USP22: variants seen among roughly 807,000 people sequenced by gnomAD.
USP22 encodes the protein ubiquitin specific peptidase 22.
Under a neutral mutation model 68.1 loss-of-function variants are expected in USP22, and 22 were observed. The ratio of observed to expected loss-of-function variants is 0.32; its 90% confidence interval spans 0.23 to 0.46. USP22 has a LOEUF of 0.46. USP22 is among the 20% of genes least tolerant of loss of function. The pLI is 1.00. For missense variants in USP22, 433 were observed against 695.8 expected, an observed-to-expected ratio of 0.62 and a Z score of 4.25; for synonymous variants, 279 against 274.2, an observed-to-expected ratio of 1.02 and a Z score of -0.17.
At chr17:21,024,300 CA>C (rs1320683867) in intron 2 of USP22, among the ~76,000 whole-genome samples, 4 of 152,164 alleles carry the variant, frequency 2.6e-5, no homozygotes, top group African/African-American at 9.7e-5. Context: ...TAGCTGACAA[CA>C]AAAACTCTAG....
At chr17:21,017,908 G>T in intron 5 of USP22, 34 bp downstream of exon 5, 1 of 1,604,954 alleles carries the variant, frequency 6.2e-7, no homozygotes, top group Non-Finnish European at 8.5e-7. Context: ...CAAAGTAACA[G>T]AAATGTTCCC....
Position 21,042,798 on chromosome 17 carries a change from T to A in USP22, c.38A>T (p.Asp13Val). The A allele has an allele frequency of 6.8e-7, 1 of 1,474,718 alleles. No homozygotes were observed. The highest frequency in any genetic ancestry group is 9.0e-7 in the Non-Finnish European group (1 of 1,113,170). 91.4% of individuals were successfully genotyped at this position (1,474,718 alleles called of 1,614,324 possible). Reference protein sequence around the residue: ...SRPEPEGEAMDAELAVAPPGC... With the variant: ...SRPEPEGEAMVAELAVAPPGC... Reference sequence around the variant, plus strand: ...CGGCGGCGCTACCGCCAGCTCGGCGTCCATGGCCTCGCCCTCGGGCTCTGG... The same window carrying A: ...CGGCGGCGCTACCGCCAGCTCGGCGACCATGGCCTCGCCCTCGGGCTCTGG... Residue 13 changes from aspartate to valine, a missense_variant, in exon 1 of 13, where the codon GAC (aspartate) becomes GTC (valine). Around this residue, in one of 4 missense-constraint regions of USP22, gnomAD observed 110 missense variants for 89.9 expected, o/e 1.22. Coordinates refer to ENST00000261497, the MANE Select transcript of USP22 (RefSeq NM_015276.2).
At chr17:21,011,829 G>A (rs1238128564) in intron 7 of USP22, among the ~76,000 whole-genome samples, 1 of 152,158 alleles carries the variant, frequency 6.6e-6, no homozygotes. Flanking sequence ...CTTGCAGACT[G>A]GGAAATTTAC....
rs755005327 is a variant in USP22, at chr17:21,008,012, A to C, written c.1104-16T>G. On this transcript the variant is annotated splice_polypyrimidine_tract_variant and intron_variant, in intron 8 of 12. Coordinates refer to ENST00000261497, the MANE Select transcript of USP22 (RefSeq NM_015276.2). Reference sequence around the variant, plus strand: ...TCTGGTGAATCTACAGGCGTTCAAAAAAGACAGGAGCGGTAAGGGAGATGC... The same window carrying C: ...TCTGGTGAATCTACAGGCGTTCAAACAAGACAGGAGCGGTAAGGGAGATGC... The C allele has an allele frequency of 6.2e-7, 1 of 1,613,230 alleles. No individual in the cohort carries two copies. Among genetic ancestry groups the C allele is most frequent in the Non-Finnish European group, 8.5e-7 (1 of 1,179,596 alleles).
At chr17:21,027,197 AG>A (rs1303566831) in intron 2 of USP22, among the ~76,000 whole-genome samples, 4 of 148,238 alleles carry the variant, frequency 2.7e-5, no homozygotes, top group African/African-American at 1.0e-4. Flanking sequence ...CTGAGGCAGA[AG>A]GATCTCCTGA....
intron 1 of USP22, among the ~76,000 whole-genome samples, chr17:21,041,362 C>T (rs913136824): frequency 1.3e-5 from 2 of 152,016 alleles, no homozygotes; most frequent in Non-Finnish European, 2.9e-5. Flanking sequence ...CTTTGGGAGG[C>T]AGAGGCGGGT....
At chr17:21,040,701 G>T (rs543086634) in intron 1 of USP22, among the ~76,000 whole-genome samples, 1 of 152,144 alleles carries the variant, frequency 6.6e-6, no homozygotes, top group African/African-American at 2.4e-5. Flanking sequence ...AATACCAGAG[G>T]GGGGAAGAAA....
intron 3 of USP22, among the ~76,000 whole-genome samples, chr17:21,020,244 C>CAAAAAAAAA (rs3047597): frequency 3.4e-4 from 25 of 73,286 alleles, no homozygotes; most frequent in East Asian, 1.3e-3. Context: ...AATCAAAAAC[C>CAAAAAAAAA]AAAAAAAAAA....
chr17:21,002,670 G>A lies in USP22; in HGVS notation c.*361C>T. The A allele has an allele frequency of 3.2e-6, 1 of 309,342 alleles. No individual in the cohort carries two copies. Among genetic ancestry groups the A allele is most frequent in the Non-Finnish European group, 6.3e-6 (1 of 157,514 alleles). The allele number at this position is 309,342 out of a possible 1,614,324, so 19.2% of individuals were successfully genotyped here. Reference sequence around the variant, plus strand: ...ACCCATAATCTTACAGCAGGTAGGGGCCTTTCCACACCGAGTGCTGGGGAA... The same window carrying A: ...ACCCATAATCTTACAGCAGGTAGGGACCTTTCCACACCGAGTGCTGGGGAA... On this transcript the variant is annotated 3_prime_UTR_variant, in exon 13 of 13. Transcript: ENST00000261497.
Position 21,015,910 on chromosome 17 carries a change from G to C in USP22, c.691-11C>G. The C allele has an allele frequency of 6.2e-7, 1 of 1,613,348 alleles. No homozygotes were observed. Among genetic ancestry groups the C allele is most frequent in the Non-Finnish European group, 8.5e-7 (1 of 1,179,722 alleles). On this transcript the variant is annotated splice_polypyrimidine_tract_variant and intron_variant, in intron 5 of 12. Coordinates refer to ENST00000261497, the MANE Select transcript of USP22 (RefSeq NM_015276.2). ...GTGTCCAGAGTAAAACTGCCAGAGGGCGGGGAAGGAAACCTTGTCAGGAAT... is the reference window on the plus strand; with the variant it reads ...GTGTCCAGAGTAAAACTGCCAGAGGCCGGGGAAGGAAACCTTGTCAGGAAT...
rs548886411 is a variant in USP22, at chr17:21,023,167, G to A, written c.305-1941C>T. On this transcript the variant is annotated intron_variant, in intron 2 of 12. Transcript: ENST00000261497. ...ACAAGAGGAGAACAACAGACACTGC[G>A]GCCTACTTGAGGGTGGAGAGTGGGA... is the stretch of plus-strand genomic sequence containing the variant. Among the ~76,000 whole-genome samples the A allele has an allele frequency of 5.3e-5, 8 of 152,154 alleles. No individual in the cohort carries two copies. In the East Asian group the frequency reaches 9.7e-4, roughly 18 times the overall value.
chr17:21,020,244 C>CAAAAAAAAAAAAAACAAA (rs1972136597), intron 3 of USP22, among the ~76,000 whole-genome samples: 1 of 73,252 alleles, frequency 1.4e-5, no homozygotes, highest in Non-Finnish European at 2.5e-5. Context: ...AATCAAAAAC[C>CAAAAAAAAAAAAAACAAA]AAAAAAAAAA....
At position 21,000,347 on chromosome 17, in the gene USP22, A is replaced by T. The variant is rs1261256408; in HGVS notation, c.*2684T>A. 6.6e-6 allele frequency: 1 copy of T among 152,352 alleles called. No individual in the cohort carries two copies. Among genetic ancestry groups the T allele is most frequent in the Non-Finnish European group, 1.5e-5 (1 of 68,116 alleles). The allele number at this position is 152,352 out of a possible 1,614,324, so 9.4% of individuals were successfully genotyped here. On this transcript the variant is annotated 3_prime_UTR_variant, in exon 13 of 13. Transcript: ENST00000261497. ...AAACACAAGACCTAATGCAAGGGGCAGTGCCAGGGCCGCCGCCGCCTCCTG... is the reference window on the plus strand; with the variant it reads ...AAACACAAGACCTAATGCAAGGGGCTGTGCCAGGGCCGCCGCCGCCTCCTG...
chr17:21,004,015 G>A (rs1567788983), intron 12 of USP22, among the ~76,000 whole-genome samples, 187 bp downstream of exon 12: 1 of 152,148 alleles, frequency 6.6e-6, no homozygotes. Context: ...CTTTGCTCAG[G>A]CACCTCTTCT....
Position 21,012,911 on chromosome 17 carries a change from T to C in USP22, c.863A>G (p.Asn288Ser), listed in dbSNP as rs768040106. Residue 288 changes from asparagine to serine, a missense_variant, in exon 7 of 13, where the codon AAC becomes AGC. This residue lies in a region of USP22 where 178 missense variants were observed against 351.5 expected (regional missense o/e 0.51). Coordinates refer to ENST00000261497, the MANE Select transcript of USP22 (RefSeq NM_015276.2). ...CKGDDNGKKA[N>S]NPNHCNCIID... ...GATGCAGTTGCAGTGGTTGGGGTTG[T>C]TGGCCTTCTTCCCATTGTCATCACC... is the stretch of plus-strand genomic sequence containing the variant. The C allele has an allele frequency of 1.2e-6, 2 of 1,614,042 alleles. No homozygotes were observed. The highest frequency in any genetic ancestry group is 8.5e-7 in the Non-Finnish European group (1 of 1,180,020).
intron 9 of USP22, among the ~76,000 whole-genome samples, chr17:21,007,261 C>A (rs974052368): frequency 6.6e-6 from 1 of 152,184 alleles, no homozygotes. Flanking sequence ...CAGCAAAGCA[C>A]AGAAAACAAA....
At chr17:21,035,139 C>G (rs532616619) in intron 1 of USP22, among the ~76,000 whole-genome samples, 55 of 152,320 alleles carry the variant, frequency 3.6e-4, no homozygotes, top group African/African-American at 1.3e-3. Context: ...TTAAATTGAG[C>G]TCACCTCACA....
chr17:21,012,842 CA>C lies in USP22; in HGVS notation c.931del (p.Cys311AlafsTer31). 1 of 1,614,004 alleles carries C rather than the reference CA, an allele frequency of 6.2e-7. No individual in the cohort carries two copies. Among genetic ancestry groups the C allele is most frequent in the South Asian group, 1.1e-5 (1 of 91,058 alleles). ...FTGGLQSDVTCQVCHGVSTTI... is the reference protein window; with the variant it reads ...FTGGLQSDVTXQVCHGVSTTI... ...GCCTCTCACTTACTGGCAGACTTGG[CA>C]GGTGACGTCTGACTGCAACCCGCCT... On this transcript the variant is annotated frameshift_variant, in exon 7 of 13. Coordinates refer to ENST00000261497, the MANE Select transcript of USP22 (RefSeq NM_015276.2). LOFTEE classifies it high-confidence loss of function.
At chr17:21,032,729 A>C (rs868153433) in intron 1 of USP22, among the ~76,000 whole-genome samples, 1 of 152,100 alleles carries the variant, frequency 6.6e-6, no homozygotes, top group Non-Finnish European at 1.5e-5. Flanking sequence ...GCTTGAGGCC[A>C]GGAGTTCAAG....
Sources: gnomAD v4.1 joint callset for allele counts (sites outside exome capture counted in the v4.1 genomes callset) on GRCh38, gnomAD v4.1.1 for gene constraint, gnomAD v4.1.1 regional missense constraint, MANE v1.5 for transcripts, NCBI Gene and HGNC (gene_info 2026-07-23, HGNC 2026-07-21) for gene names.